TADA1: variants seen among roughly 807,000 people sequenced by gnomAD.
The protein encoded by TADA1 is transcriptional adaptor 1.
A neutral mutation model predicts 39.3 loss-of-function variants in TADA1; 23 were observed. The observed-to-expected ratio is 0.58, with a 90% CI of 0.42 to 0.83. The LOEUF is 0.83. Among genes scored for constraint, TADA1 ranks in the 40% least tolerant of loss-of-function variants. TADA1 has a pLI of 0.00. For missense variants in TADA1, 352 were observed against 408.1 expected, an observed-to-expected ratio of 0.86 and a Z score of 1.18; for synonymous variants, 137 against 151.8, an observed-to-expected ratio of 0.90 and a Z score of 0.72.
At chr1:166,872,065 C>T (rs1658672292) in intron 1 of TADA1, among the ~76,000 whole-genome samples, 1 of 152,232 alleles carries the variant, frequency 6.6e-6, no homozygotes, top group South Asian at 2.1e-4. Context: ...AAAAGACTTG[C>T]TCTCCAATCC....
At position 166,862,432 on chromosome 1, in the gene TADA1, T is replaced by C; in HGVS notation, c.331-20A>G. 1.2e-6 allele frequency: 2 copies of C among 1,602,680 alleles called. No homozygotes were observed. The highest frequency in any genetic ancestry group is 1.7e-6 in the Non-Finnish European group (2 of 1,170,664). On this transcript the variant is annotated intron_variant, in intron 4 of 7. Coordinates refer to ENST00000367874, the MANE Select transcript of TADA1 (RefSeq NM_053053.4). Reference sequence around the variant, plus strand: ...TCTATGCTATGAGTAAGAAAAACTTTTTAAAATTACTCATTACAGTAGCAA... The same window carrying C: ...TCTATGCTATGAGTAAGAAAAACTTCTTAAAATTACTCATTACAGTAGCAA...
In TADA1 at chr1:166,862,238, C is replaced by T. The variant is rs1043952708; in HGVS notation, c.505G>A (p.Glu169Lys). 13 of 1,613,740 alleles carry T rather than the reference C, an allele frequency of 8.1e-6. No homozygotes were observed. The highest frequency in any genetic ancestry group is 2.2e-5 in the East Asian group (1 of 44,904). Residue 169 changes from glutamate (E) to lysine (K), a missense_variant, in exon 5 of 8, where the codon GAG becomes AAG. Transcript: ENST00000367874. Reference sequence around the variant, plus strand: ...TAGACAACAGCTGAAACAGCCTCCTCGGTGACATTGTCCAGCCCATGCTCA... The same window carrying T: ...TAGACAACAGCTGAAACAGCCTCCTTGGTGACATTGTCCAGCCCATGCTCA... ...AYEHGLDNVT[E>K]EAVSAVVYAV...
chr1:166,861,549 G>A (rs545754943), intron 5 of TADA1, among the ~76,000 whole-genome samples: 5 of 152,250 alleles, frequency 3.3e-5, no homozygotes, highest in Admixed American at 3.3e-4. Flanking sequence ...CAGATGCCAA[G>A]ACTAATACTC....
At chr1:166,864,210 TGTA>T (rs762518865) in intron 3 of TADA1, among the ~76,000 whole-genome samples, 96 of 152,344 alleles carry the variant, frequency 6.3e-4, no homozygotes, top group Non-Finnish European at 1.2e-3. Context: ...TTATTATAGA[TGTA>T]GGACAGAATT....
chr1:166,876,057 A>C, intron 1 of TADA1, 103 bp downstream of exon 1: 2 of 1,187,100 alleles, frequency 1.7e-6, no homozygotes, highest in Non-Finnish European at 2.3e-6. Flanking sequence ...TCCAGGCTGC[A>C]CAGGCCCCCG....
chr1:166,864,871 A>T (rs1031439574), intron 3 of TADA1, among the ~76,000 whole-genome samples: 1 of 152,162 alleles, frequency 6.6e-6, no homozygotes, highest in Non-Finnish European at 1.5e-5. Flanking sequence ...GGGATTTACT[A>T]AGGTAGCTGG....
chr1:166,857,203 C>G lies in TADA1; in HGVS notation c.*364G>C, dbSNP rs1658297793. ...AGAATGTATGATGTCACTGAACACA[C>G]AGATATCCTGCTGATCAGGGGGATT... On this transcript the variant is annotated 3_prime_UTR_variant, in exon 8 of 8. Transcript: ENST00000367874. 1 of 184,414 alleles carries G rather than the reference C, an allele frequency of 5.4e-6. No homozygotes were observed. Among genetic ancestry groups the G allele is most frequent in the African/African-American group, 2.4e-5 (1 of 42,404 alleles). 11.4% of individuals were successfully genotyped at this position (184,414 alleles called of 1,614,324 possible).
At chr1:166,874,797 A>G (rs1296687292) in intron 1 of TADA1, among the ~76,000 whole-genome samples, 1 of 152,218 alleles carries the variant, frequency 6.6e-6, no homozygotes, top group Non-Finnish European at 1.5e-5. Context: ...CACAAAGTGA[A>G]ACATATCTCT....
At chr1:166,869,141 A>G in intron 3 of TADA1, 1 of 374,086 alleles carries the variant, frequency 2.7e-6, no homozygotes. Flanking sequence ...TTTCTCCAGA[A>G]ACAGAAATTC....
chr1:166,861,008 G>T (rs1053728663), intron 5 of TADA1, among the ~76,000 whole-genome samples: 6 of 152,080 alleles, frequency 3.9e-5, no homozygotes, highest in African/African-American at 1.4e-4. Flanking sequence ...TTTAAAATAG[G>T]ACAAAAAGTT....
At chr1:166,861,658 A>G (rs1658418771) in intron 5 of TADA1, among the ~76,000 whole-genome samples, 1 of 152,226 alleles carries the variant, frequency 6.6e-6, no homozygotes, top group African/African-American at 2.4e-5. Context: ...ACAAAACATC[A>G]GATCAACCAG....
intron 4 of TADA1, 156 bp from the exon 5 acceptor site, chr1:166,862,568 T>A: frequency 1.6e-6 from 1 of 620,532 alleles, no homozygotes; most frequent in Non-Finnish European, 2.8e-6. Flanking sequence ...GCACAAATAA[T>A]CACAGATTCA....
At chr1:166,867,855 C>T (rs1029308723) in intron 3 of TADA1, among the ~76,000 whole-genome samples, 5 of 152,300 alleles carry the variant, frequency 3.3e-5, no homozygotes, top group East Asian at 1.9e-4. Flanking sequence ...GCTGGGAATA[C>T]AGGCGTGAGC....
At chr1:166,864,371 A>G (rs1312065248) in intron 3 of TADA1, among the ~76,000 whole-genome samples, 1 of 152,142 alleles carries the variant, frequency 6.6e-6, no homozygotes, top group Non-Finnish European at 1.5e-5. Context: ...GATGTCAACA[A>G]ATTTCTAGGA....
At chr1:166,860,119 T>C (rs1658373726) in intron 6 of TADA1, 67 bp downstream of exon 6, 4 of 1,429,922 alleles carry the variant, frequency 2.8e-6, no homozygotes, top group African/African-American at 2.9e-5. Context: ...TATTTAACAA[T>C]GGTCTATAAG....
At chr1:166,873,761 G>A (rs1658706355) in intron 1 of TADA1, among the ~76,000 whole-genome samples, 1 of 152,164 alleles carries the variant, frequency 6.6e-6, no homozygotes, top group Non-Finnish European at 1.5e-5. Flanking sequence ...TCACACTCCA[G>A]ATGCACCAAA....
intron 1 of TADA1, among the ~76,000 whole-genome samples, chr1:166,873,744 T>C (rs1658706105): frequency 6.6e-6 from 1 of 152,234 alleles, no homozygotes; most frequent in African/African-American, 2.4e-5. Context: ...TGCATTTTAG[T>C]GGGGATTCAC....
At position 166,863,877 on chromosome 1, in the gene TADA1, G is replaced by T; in HGVS notation, c.277C>A (p.Pro93Thr). ...LPWPGGSAAK[P>T]GKPKGKKKLS... is the part of the protein sequence containing the mutation. ...TTTTTCTTTCCCTTGGGTTTTCCAG[G>T]TTTTGCTGCGGAACCCCCTGGCCAA... The change falls in exon 4 of 8, where the codon CCT (proline) becomes ACT (threonine). Residue 93 changes from proline (P) to threonine (T), a missense_variant. By Grantham distance (38) the Pro-to-Thr change is conservative. Transcript: ENST00000367874. The T allele has an allele frequency of 5.6e-6, 9 of 1,611,574 alleles. No homozygotes were observed. Among genetic ancestry groups the T allele is most frequent in the Non-Finnish European group, 7.6e-6 (9 of 1,179,428 alleles).
rs1658289223 is a variant in TADA1 at position 166,856,828 on chromosome 1, T to C, written c.*739A>G. 6.6e-6 allele frequency: 1 copy of C among 152,622 alleles called. No individual in the cohort carries two copies. The highest frequency in any genetic ancestry group is 2.4e-5 in the African/African-American group (1 of 41,456). 9.5% of individuals were successfully genotyped at this position (152,622 alleles called of 1,614,324 possible). A position where few individuals can be genotyped will look rare whatever the true frequency, so the allele number is the denominator to read the frequency against. On this transcript the variant is annotated 3_prime_UTR_variant, in exon 8 of 8. Coordinates refer to ENST00000367874, the MANE Select transcript of TADA1 (RefSeq NM_053053.4). Reference sequence around the variant, plus strand: ...TGTATAGATTTCTTAAAATACATTCTATAGGAATAATTAACCGAAGAAACT... The same window carrying C: ...TGTATAGATTTCTTAAAATACATTCCATAGGAATAATTAACCGAAGAAACT...
Sources: allele counts gnomAD v4.1 joint callset (sites outside exome capture counted in the v4.1 genomes callset), GRCh38; gene constraint gnomAD v4.1.1; transcripts MANE v1.5; gene names NCBI Gene and HGNC (gene_info 2026-07-23, HGNC 2026-07-21).